Variants in LIMS1 observed in about 807,000 individuals in gnomAD.
LIMS1 encodes LIM zinc finger domain containing 1.
In LIMS1, 18 loss-of-function variants were observed where a neutral mutation model predicts 44.1. That is an observed-to-expected ratio of 0.41 (90% CI 0.28 to 0.61). The LOEUF (loss-of-function observed/expected upper bound fraction) is 0.61. Among genes scored for constraint, LIMS1 ranks in the 20% least tolerant of loss-of-function variants. The pLI, the probability that LIMS1 is intolerant of heterozygous loss-of-function variation, is 0.32. For synonymous variants in LIMS1, 93 were observed against 149.1 expected, an observed-to-expected ratio of 0.62 and a Z score of 2.74; for missense variants, 201 against 422.0, an observed-to-expected ratio of 0.48 and a Z score of 4.59.
intron 7 of LIMS1, 152 bp downstream of exon 7, chr2:108,676,850 G>T (rs1454902630): frequency 4.1e-6 from 3 of 739,118 alleles, no homozygotes; most frequent in African/African-American, 3.6e-5. Context: ...AGACTCAGAA[G>T]CTAACTATAA....
chr2:108,627,089 C>T (rs1279240288), intron 1 of LIMS1, among the ~76,000 whole-genome samples: 1 of 152,164 alleles, frequency 6.6e-6, no homozygotes, highest in East Asian at 1.9e-4. Context: ...CTACAGTATT[C>T]AATACAGTCC....
intron 1 of LIMS1, among the ~76,000 whole-genome samples, chr2:108,645,933 A>G (rs1482875848): frequency 1.3e-5 from 2 of 152,232 alleles, no homozygotes; most frequent in East Asian, 3.8e-4. Context: ...GGATCAGTGC[A>G]ACAAGAAGAG....
chr2:108,671,810 C>T (rs1382452860), intron 3 of LIMS1, among the ~76,000 whole-genome samples: 1 of 152,148 alleles, frequency 6.6e-6, no homozygotes, highest in Admixed American at 6.5e-5. Flanking sequence ...AAAAATGTGG[C>T]TGTTGAATCA....
At position 108,604,361 on chromosome 2, in the gene LIMS1, C is replaced by T. The variant is rs541003192; in HGVS notation, c.33-55244C>T. Among the ~76,000 whole-genome samples, 10 of 152,262 alleles carry T rather than the reference C, an allele frequency of 6.6e-5. No individual in the cohort carries two copies. In the South Asian group the frequency reaches 1.9e-3, roughly 28 times the overall value. ...ATTGTTTGTGGCTGCTTTTGAACCA[C>T]GAGGGCAGGGTTGACTAGTCACCAC... On this transcript the variant is annotated intron_variant, in intron 1 of 9. Coordinates refer to ENST00000544547, the Ensembl canonical transcript of LIMS1.
At chr2:108,668,610 C>T (rs145229961) in intron 2 of LIMS1, among the ~76,000 whole-genome samples, 207 of 152,172 alleles carry the variant, frequency 1.4e-3, no homozygotes, top group African/African-American at 4.6e-3. Context: ...TCCATTCATC[C>T]GCTGATGGAA....
At chr2:108,579,365 T>C (rs1239047621) in intron 1 of LIMS1, among the ~76,000 whole-genome samples, 5 of 152,208 alleles carry the variant, frequency 3.3e-5, no homozygotes, top group Non-Finnish European at 7.3e-5. Context: ...TCTACCACTA[T>C]ATAATGTTTC....
intron 1 of LIMS1, among the ~76,000 whole-genome samples, chr2:108,598,877 G>GT (rs1470174845): frequency 6.6e-6 from 1 of 151,916 alleles, no homozygotes; most frequent in African/African-American, 2.4e-5. Flanking sequence ...ATGATATTTT[G>GT]TTTAAGTTTG....
At chr2:108,663,470 G>A (rs1691512362) in intron 2 of LIMS1, among the ~76,000 whole-genome samples, 2 of 152,188 alleles carry the variant, frequency 1.3e-5, no homozygotes, top group African/African-American at 4.8e-5. Flanking sequence ...AGTAAAAGAA[G>A]TATTTTAATT....
chr2:108,537,670 C>T (rs974231878), intron 1 of LIMS1, among the ~76,000 whole-genome samples: 2 of 152,154 alleles, frequency 1.3e-5, no homozygotes, highest in African/African-American at 4.8e-5. Flanking sequence ...CTGGTGGTTC[C>T]GGTTTTTGCA....
chr2:108,566,358 G>A (rs1449164654), intron 1 of LIMS1, among the ~76,000 whole-genome samples: 1 of 152,158 alleles, frequency 6.6e-6, no homozygotes, highest in African/African-American at 2.4e-5. Flanking sequence ...CCAGCTGTGA[G>A]TGTCTTCTAT....
chr2:108,623,418 AAAT>A (rs1688372503), intron 1 of LIMS1, among the ~76,000 whole-genome samples: 1 of 152,132 alleles, frequency 6.6e-6, no homozygotes, highest in Non-Finnish European at 1.5e-5. Context: ...TTTTTTAAAA[AAAT>A]AAGGATAAAA....
intron 1 of LIMS1, among the ~76,000 whole-genome samples, chr2:108,603,624 A>G (rs1687128005): frequency 6.8e-6 from 1 of 147,704 alleles, no homozygotes; most frequent in South Asian, 2.1e-4. Context: ...CCTCCTGGCT[A>G]GCTGGGATTA....
chr2:108,586,775 C>T (rs1392023205), intron 1 of LIMS1, among the ~76,000 whole-genome samples: 1 of 152,128 alleles, frequency 6.6e-6, no homozygotes, highest in Non-Finnish European at 1.5e-5. Flanking sequence ...AGAAGACTTC[C>T]ATTCTCTTTT....
chr2:108,674,517 TC>T (rs1464666859), intron 5 of LIMS1, among the ~76,000 whole-genome samples: 1 of 151,256 alleles, frequency 6.6e-6, no homozygotes, highest in Non-Finnish European at 1.5e-5. Context: ...GGTCAGGAGA[TC>T]GAGACCATCC....
At chr2:108,625,267 G>A (rs1220708075) in intron 1 of LIMS1, among the ~76,000 whole-genome samples, 1 of 152,176 alleles carries the variant, frequency 6.6e-6, no homozygotes. Flanking sequence ...GTCCACAAAT[G>A]AAGTTTTACT....
chr2:108,684,993 A>G (rs1367044735), exon 10 of LIMS1: 1 of 152,160 alleles, frequency 6.6e-6, no homozygotes, highest in East Asian at 1.9e-4. Flanking sequence ...ACAGAATACC[A>G]ACTAAAACTA....
intron 2 of LIMS1, among the ~76,000 whole-genome samples, chr2:108,663,109 CTTTTTTTTTCTT>C (rs1217500820): frequency 6.6e-6 from 1 of 151,680 alleles, no homozygotes; most frequent in Admixed American, 6.6e-5. Flanking sequence ...TACAGTTTCT[CTTTTTTTTTCTT>C]TCTTTTCTTT....
Position 108,587,138 on chromosome 2 carries a change from T to TGC in LIMS1, c.32+52544_32+52545insGC, listed in dbSNP as rs1558798169. Reference sequence around the variant, plus strand: ...TGCCTTTAGCTTGTCTTGGATGTGCTTTTCCACTCTTTCAAGCACTAAACC... The same window carrying TGC: ...TGCCTTTAGCTTGTCTTGGATGTGCTGCTTTCCACTCTTTCAAGCACTAAACC... On this transcript the variant is annotated intron_variant, in intron 1 of 9. Coordinates refer to ENST00000544547, the Ensembl canonical transcript of LIMS1. 2.6e-5 allele frequency among the ~76,000 whole-genome samples: 4 copies of TGC among 152,114 alleles called. No homozygotes were observed. The East Asian group carries it at 7.7e-4, about 29-fold the overall frequency.
chr2:108,543,927 C>T (rs187460390), intron 1 of LIMS1, among the ~76,000 whole-genome samples: 2 of 152,230 alleles, frequency 1.3e-5, no homozygotes, highest in East Asian at 3.9e-4. Flanking sequence ...GGAAGAGTCC[C>T]AGCTACTCAG....
Sources: gnomAD v4.1 joint callset for allele counts (sites outside exome capture counted in the v4.1 genomes callset) on GRCh38, gnomAD v4.1.1 for gene constraint, MANE v1.5 for transcripts, NCBI Gene and HGNC (gene_info 2026-07-23, HGNC 2026-07-21) for gene names.